CDH12: variants seen among roughly 807,000 people sequenced by gnomAD.
The protein encoded by CDH12 is cadherin 12.
In CDH12, 41 loss-of-function variants were observed where a neutral mutation model predicts 74.1. That is an observed-to-expected ratio of 0.55 (90% confidence interval 0.43 to 0.72). The LOEUF is 0.72. Among genes scored for constraint, CDH12 ranks in the 30% least tolerant of loss-of-function variants. The probability of loss-of-function intolerance (pLI) is 0.00; values close to 1 mark genes in which losing one functional copy is unlikely to be tolerated. For missense variants in CDH12, 945 were observed against 977.2 expected (o/e 0.97, Z 0.44); for synonymous variants, 399 against 355.0 (o/e 1.12, Z -1.39).
At position 21,755,441 on chromosome 5, in the gene CDH12, A is replaced by G. The variant is rs1744327410; in HGVS notation, c.1885+150T>C. On this transcript the variant is annotated intron_variant, in intron 14 of 14. Coordinates refer to ENST00000382254, the MANE Select transcript of CDH12 (RefSeq NM_004061.5). ...AGCATTAATAACAATTTAATTCAAT[A>G]CACATAGATTATCTTCTAGCTAGGT... 7.9e-6 allele frequency: 5 copies of G among 633,616 alleles called. No homozygotes were observed. The South Asian group carries it at 8.4e-5, about 11-fold the overall frequency. The allele number at this position is 633,616 out of a possible 1,614,324, so 39.2% of individuals were successfully genotyped here.
At chr5:22,486,603 C>T (rs1020705622) in intron 2 of CDH12, among the ~76,000 whole-genome samples, 2 of 151,908 alleles carry the variant, frequency 1.3e-5, no homozygotes, top group African/African-American at 4.8e-5. Context: ...AGGTATGTGC[C>T]ACCATTCCTG....
intron 4 of CDH12, among the ~76,000 whole-genome samples, chr5:22,111,659 A>C (rs976356647): frequency 6.6e-6 from 1 of 152,112 alleles, no homozygotes; most frequent in South Asian, 2.1e-4. Flanking sequence ...TTGCATGGTA[A>C]TTGTGCTACC....
intron 1 of CDH12, among the ~76,000 whole-genome samples, chr5:22,626,330 C>T (rs574954305): frequency 2.6e-4 from 39 of 152,164 alleles, no homozygotes; most frequent in Non-Finnish European, 4.0e-4. Context: ...GCATTTTGGC[C>T]AGCACACCTC....
chr5:22,258,057 A>G (rs1445669180), intron 3 of CDH12, among the ~76,000 whole-genome samples: 1 of 152,212 alleles, frequency 6.6e-6, no homozygotes, highest in Non-Finnish European at 1.5e-5. Flanking sequence ...TACAATATTT[A>G]TAAACATTGT....
intron 10 of CDH12, among the ~76,000 whole-genome samples, chr5:21,790,585 T>C (rs914201772): frequency 3.9e-5 from 6 of 152,094 alleles, no homozygotes; most frequent in Admixed American, 2.0e-4. Context: ...CCAATATCTA[T>C]TCTCCTTATG....
At chr5:22,625,713 A>G (rs893936707) in intron 1 of CDH12, among the ~76,000 whole-genome samples, 2 of 152,082 alleles carry the variant, frequency 1.3e-5, no homozygotes, top group African/African-American at 4.8e-5. Flanking sequence ...CTGCCCACGC[A>G]TGCTTGCAGG....
intron 10 of CDH12, among the ~76,000 whole-genome samples, chr5:21,801,477 T>A (rs1035122308): frequency 1.3e-5 from 2 of 152,140 alleles, no homozygotes; most frequent in African/African-American, 4.8e-5. Context: ...AACATACTGC[T>A]GGGTCAATGC....
intron 4 of CDH12, among the ~76,000 whole-genome samples, chr5:22,132,937 T>C (rs1395856780): frequency 6.6e-6 from 1 of 152,090 alleles, no homozygotes; most frequent in African/African-American, 2.4e-5. Flanking sequence ...TCAAACATGT[T>C]TTGTTTTCGA....
At chr5:22,396,391 T>C (rs896786450) in intron 3 of CDH12, among the ~76,000 whole-genome samples, 1 of 152,106 alleles carries the variant, frequency 6.6e-6, no homozygotes. Flanking sequence ...GCTATGACAC[T>C]GGGTTTTTGA....
In CDH12 at chr5:21,803,709, T is replaced by C. The variant is rs149204202; in HGVS notation, c.1003-1289A>G. On this transcript the variant is annotated intron_variant, in intron 9 of 14. Coordinates refer to ENST00000382254, the MANE Select transcript of CDH12 (RefSeq NM_004061.5). The stretch of plus-strand genomic sequence containing the variant: ...ATTTAACATTAACATGGTGATTTTC[T>C]GGGACCTTTAAAAATTTATGTTTTC... Among the ~76,000 whole-genome samples, 466 of 152,300 alleles carry C rather than the reference T, an allele frequency of 3.1e-3. 1 individual carries two copies. The highest frequency in any genetic ancestry group is 0.011 in the African/African-American group (443 of 41,582).
chr5:22,310,715 T>G (rs900555641), intron 3 of CDH12, among the ~76,000 whole-genome samples: 1 of 152,210 alleles, frequency 6.6e-6, no homozygotes. Flanking sequence ...CATGGTATTG[T>G]GTTACTTATG....
intron 7 of CDH12, among the ~76,000 whole-genome samples, chr5:21,851,999 T>C (rs1750491446): frequency 6.6e-6 from 1 of 151,388 alleles, no homozygotes; most frequent in Admixed American, 6.6e-5. Flanking sequence ...AATATTAGTT[T>C]TTCATGCGTT....
At chr5:22,418,425 G>T (rs1209338421) in intron 2 of CDH12, among the ~76,000 whole-genome samples, 1 of 152,068 alleles carries the variant, frequency 6.6e-6, no homozygotes, top group African/African-American at 2.4e-5. Context: ...CTTCCTATTT[G>T]AATACCTTTA....
In CDH12 at chr5:22,246,358, C is replaced by T. The variant is rs73062406; in HGVS notation, c.-332-33715G>A. Among the ~76,000 whole-genome samples the T allele has an allele frequency of 9.1e-3, 1,377 of 152,150 alleles. 17 individuals are homozygous for T. The highest frequency in any genetic ancestry group is 0.032 in the African/African-American group (1,321 of 41,520). ...ATAATATCAAGCTCTAATATTAGGT[C>T]ATCTGGATAACATATAAGTCACAAA... is the stretch of plus-strand genomic sequence containing the variant. On this transcript the variant is annotated intron_variant, in intron 3 of 14. Transcript: ENST00000382254.
intron 5 of CDH12, among the ~76,000 whole-genome samples, chr5:22,059,284 TATCTATCTATC>T (rs1169378306): frequency 4.6e-5 from 7 of 151,520 alleles, no homozygotes; most frequent in African/African-American, 1.2e-4. Flanking sequence ...TCTATCTATC[TATCTATCTATC>T]ATCTATCTAT....
At chr5:22,367,267 C>A (rs895328085) in intron 3 of CDH12, among the ~76,000 whole-genome samples, 1 of 151,944 alleles carries the variant, frequency 6.6e-6, no homozygotes, top group Non-Finnish European at 1.5e-5. Context: ...TTCCTTACAG[C>A]AATTTGGGAT....
At chr5:21,958,632 T>C (rs1218233471) in intron 6 of CDH12, among the ~76,000 whole-genome samples, 1 of 152,142 alleles carries the variant, frequency 6.6e-6, no homozygotes, top group African/African-American at 2.4e-5. Flanking sequence ...CTGGGTTCTT[T>C]ATTCTGTTCT....
intron 1 of CDH12, among the ~76,000 whole-genome samples, chr5:22,674,353 C>T (rs1046587184): frequency 3.3e-5 from 5 of 152,170 alleles, no homozygotes; most frequent in Non-Finnish European, 7.3e-5. Flanking sequence ...GCTCTCTTCT[C>T]TTGTCTGCCA....
intron 1 of CDH12, among the ~76,000 whole-genome samples, chr5:22,743,292 G>GTATATGTATA (rs1745128673): frequency 6.9e-6 from 1 of 145,348 alleles, no homozygotes; most frequent in Non-Finnish European, 1.5e-5. Context: ...GTATATATAT[G>GTATATGTATA]TATATGTATA....
Sources: gnomAD v4.1 joint callset for allele counts (sites outside exome capture counted in the v4.1 genomes callset) on GRCh38, gnomAD v4.1.1 for gene constraint, MANE v1.5 for transcripts, NCBI Gene and HGNC (gene_info 2026-07-23, HGNC 2026-07-21) for gene names.